TYW5: variants seen among roughly 807,000 people sequenced by gnomAD.
The protein encoded by TYW5 is tRNA-yW synthesizing protein 5.
Under a neutral mutation model 44.4 loss-of-function variants are expected in TYW5, and 36 were observed. The ratio of observed to expected loss-of-function variants is 0.81; its 90% CI spans 0.62 to 1.07. The LOEUF is 1.07. Ranked by LOEUF, TYW5 falls within the 50% of genes least tolerant of loss-of-function variation. The pLI, the probability that TYW5 is intolerant of heterozygous loss-of-function variation, is 0.00. For missense variants in TYW5, 354 were observed against 365.7 expected (o/e 0.97, Z 0.26); for synonymous variants, 121 against 128.1 (o/e 0.94, Z 0.37).
intron 4 of TYW5, 28 bp downstream of exon 4, chr2:199,940,061 G>A: frequency 6.2e-7 from 1 of 1,602,632 alleles, no homozygotes; most frequent in Non-Finnish European, 8.5e-7. Context: ...TAGATTTTAG[G>A]GAATTGTTTT....
intron 2 of TYW5, chr2:199,945,651 C>T (rs2077498422): frequency 6.6e-6 from 1 of 152,180 alleles, no homozygotes; most frequent in Admixed American, 6.5e-5. Flanking sequence ...TTATCTGGAC[C>T]ATAGCCACTA....
chr2:199,952,248 T>C (rs1282657949), intron 1 of TYW5, among the ~76,000 whole-genome samples: 1 of 152,192 alleles, frequency 6.6e-6, no homozygotes, highest in Non-Finnish European at 1.5e-5. Context: ...AATTCCTAAA[T>C]GAGGAATTAC....
intron 3 of TYW5, chr2:199,943,449 C>A: frequency 4.9e-6 from 1 of 202,918 alleles, no homozygotes. Flanking sequence ...ACATTTAATG[C>A]GTAATTTCTA....
chr2:199,952,062 T>C (rs1196404870), intron 1 of TYW5, among the ~76,000 whole-genome samples: 1 of 152,132 alleles, frequency 6.6e-6, no homozygotes, highest in African/African-American at 2.4e-5. Context: ...TCACCACTTA[T>C]CAGTTCAGAT....
intron 1 of TYW5, among the ~76,000 whole-genome samples, chr2:199,950,497 C>A (rs1482989145): frequency 1.3e-5 from 2 of 152,148 alleles, no homozygotes; most frequent in African/African-American, 2.4e-5. Flanking sequence ...CCAGGGCCCC[C>A]CTCCGAGTAG....
intron 7 of TYW5, among the ~76,000 whole-genome samples, chr2:199,934,659 T>G (rs1386179358): frequency 1.3e-5 from 2 of 152,084 alleles, no homozygotes; most frequent in Non-Finnish European, 2.9e-5. Flanking sequence ...TTTATTAATA[T>G]TTACTTATTT....
chr2:199,948,207 A>C, intron 2 of TYW5, 111 bp downstream of exon 2: 1 of 1,126,352 alleles, frequency 8.9e-7, no homozygotes, highest in Non-Finnish European at 1.3e-6. Context: ...GATTACATCA[A>C]ACCAGCCAAA....
Position 199,929,787 on chromosome 2 carries a change from A to T in TYW5, c.*3280T>A, listed in dbSNP as rs2077359919. Reference sequence around the variant, plus strand: ...TAGAATTCTAATGTATTCAAATACCAAGACAAATAATGTTATGAAATGCTA... The same window carrying T: ...TAGAATTCTAATGTATTCAAATACCTAGACAAATAATGTTATGAAATGCTA... On this transcript the variant is annotated 3_prime_UTR_variant, in exon 8 of 8. Coordinates refer to ENST00000354611, the MANE Select transcript of TYW5 (RefSeq NM_001039693.3). Among the ~76,000 whole-genome samples the T allele has an allele frequency of 6.6e-6, 1 of 151,924 alleles. No individual in the cohort carries two copies. The highest frequency in any genetic ancestry group is 1.5e-5 in the Non-Finnish European group (1 of 67,980).
At chr2:199,945,382 A>G (rs2077496314) in intron 2 of TYW5, 1 of 152,248 alleles carries the variant, frequency 6.6e-6, no homozygotes, top group South Asian at 2.1e-4. Flanking sequence ...TCTGTATGTC[A>G]GTCTGAACTT....
intron 6 of TYW5, 89 bp from the exon 7 acceptor site, chr2:199,936,136 C>A (rs1489532087): frequency 4.7e-6 from 4 of 857,410 alleles, no homozygotes; most frequent in East Asian, 2.4e-5. Context: ...AAAATTTATT[C>A]TTTTCTATCC....
chr2:199,953,913 A>G (rs1392127271), intron 1 of TYW5, among the ~76,000 whole-genome samples: 1 of 152,226 alleles, frequency 6.6e-6, no homozygotes, highest in African/African-American at 2.4e-5. Flanking sequence ...GCACTTCCAC[A>G]TACCCTAATC....
chr2:199,952,868 T>G (rs745885541), intron 1 of TYW5, among the ~76,000 whole-genome samples: 2 of 152,256 alleles, frequency 1.3e-5, no homozygotes, highest in Non-Finnish European at 2.9e-5. Context: ...TTTATTCTTG[T>G]GTACAGTGTG....
chr2:199,935,828 A>T, intron 7 of TYW5, 103 bp downstream of exon 7: 1 of 753,330 alleles, frequency 1.3e-6, no homozygotes, highest in South Asian at 1.7e-5. Context: ...CCGGATACAT[A>T]TAACAAATAT....
intron 5 of TYW5, among the ~76,000 whole-genome samples, chr2:199,938,300 A>G (rs3114090): frequency 0.83 from 126,368 of 151,916 alleles, 52,657 homozygotes; most frequent in South Asian, 0.91. Flanking sequence ...TCCTGACCTC[A>G]TGATCCGCCC....
At position 199,929,722 on chromosome 2, in the gene TYW5, T is replaced by C. The variant is rs13389195; in HGVS notation, c.*3345A>G. On this transcript the variant is annotated 3_prime_UTR_variant, in exon 8 of 8. Coordinates refer to ENST00000354611, the MANE Select transcript of TYW5 (RefSeq NM_001039693.3). The stretch of plus-strand genomic sequence containing the variant: ...GTTGACTTTGTTTCCTTTGTTTTGG[T>C]ATTTTATCAAAGTGAGTTAGAAATT... Among the ~76,000 whole-genome samples, 77,620 of 151,998 alleles carry C rather than the reference T, an allele frequency of 0.51. 20,105 individuals are homozygous for C. Among genetic ancestry groups the C allele is most frequent in the South Asian group, 0.61 (2,951 of 4,820 alleles).
chr2:199,936,614 C>T lies in TYW5; in HGVS notation c.487-122G>A, dbSNP rs1220293113. The T allele has an allele frequency of 2.1e-5, 15 of 721,200 alleles. No individual in the cohort carries two copies. The South Asian group carries it at 2.6e-4, about 13-fold the overall frequency. 44.7% of individuals were successfully genotyped at this position (721,200 alleles called of 1,614,324 possible). Reference sequence around the variant, plus strand: ...AATGAGACTTGACTTACTTAAGACTCTTACAGTTACCTAACAATAAAAACA... The same window carrying T: ...AATGAGACTTGACTTACTTAAGACTTTTACAGTTACCTAACAATAAAAACA... On this transcript the variant is annotated intron_variant, in intron 5 of 7. Transcript: ENST00000354611.
chr2:199,937,037 T>C (rs2077426307), intron 5 of TYW5, among the ~76,000 whole-genome samples: 1 of 152,178 alleles, frequency 6.6e-6, no homozygotes, highest in Non-Finnish European at 1.5e-5. Flanking sequence ...TATGGTGATT[T>C]ATGACAGATT....
chr2:199,949,516 T>C (rs1011292933), intron 1 of TYW5, among the ~76,000 whole-genome samples: 1 of 152,252 alleles, frequency 6.6e-6, no homozygotes, highest in Non-Finnish European at 1.5e-5. Flanking sequence ...CTGCATTCAG[T>C]TGCTATGTCT....
rs890733240 is a variant in TYW5 at position 199,931,286 on chromosome 2, G to GTCA, written c.*1778_*1780dup. ...ATAGATAAATGTTATTTTGTCTAAG[G>GTCA]TCATCCAGTTTGCTTCTCCATTAAA... On this transcript the variant is annotated 3_prime_UTR_variant, in exon 8 of 8. Transcript: ENST00000354611. The GTCA allele has an allele frequency of 6.6e-6, 1 of 152,052 alleles. No individual in the cohort carries two copies. Among genetic ancestry groups the GTCA allele is most frequent in the African/African-American group, 2.4e-5 (1 of 41,420 alleles). The allele number at this position is 152,052 out of a possible 1,614,324, so 9.4% of individuals were successfully genotyped here. A position where few individuals can be genotyped will look rare whatever the true frequency, so the allele number is the denominator to read the frequency against.
Sources: allele counts gnomAD v4.1 joint callset (sites outside exome capture counted in the v4.1 genomes callset), GRCh38; gene constraint gnomAD v4.1.1; transcripts MANE v1.5; gene names NCBI Gene and HGNC (gene_info 2026-07-23, HGNC 2026-07-21).